JAK2: variants seen among roughly 807,000 people sequenced by gnomAD.
JAK2 encodes Janus kinase 2, also known as tyrosine-protein kinase JAK2.
Under a neutral mutation model 139.3 loss-of-function variants are expected in JAK2, and 86 were observed. That is an observed-to-expected ratio of 0.62 (90% CI 0.52 to 0.74). The LOEUF (loss-of-function observed/expected upper bound fraction) is 0.74. Among genes scored for constraint, JAK2 ranks in the 30% least tolerant of loss-of-function variants. The pLI is 0.00. For synonymous variants in JAK2, 490 were observed against 437.7 expected (o/e 1.12, Z -1.49); for missense variants, 1,421 against 1,360.3 (o/e 1.04, Z -0.70).
At chr9:5,030,364 T>C (rs1057297888) in intron 4 of JAK2, among the ~76,000 whole-genome samples, 8 of 152,176 alleles carry the variant, frequency 5.3e-5, no homozygotes, top group Non-Finnish European at 8.8e-5. Flanking sequence ...ATATAATTTA[T>C]GGTAATGTGT....
At chr9:5,111,767 C>T (rs1193974277) in intron 22 of JAK2, 5 of 421,986 alleles carry the variant, frequency 1.2e-5, no homozygotes, top group Admixed American at 2.8e-5. Context: ...GAACGGTGGG[C>T]TTCCGGCTGC....
intron 22 of JAK2, chr9:5,110,963 G>A: frequency 1.7e-6 from 1 of 604,242 alleles, no homozygotes; most frequent in Non-Finnish European, 3.1e-6. Context: ...AAGGAGCTCA[G>A]TAACCTGGAC....
chr9:5,091,064 A>ATAG (rs1820535636), intron 22 of JAK2, 153 bp downstream of exon 22: 1 of 574,784 alleles, frequency 1.7e-6, no homozygotes, highest in Non-Finnish European at 3.0e-6. Context: ...TTTAGGTCTT[A>ATAG]TAGTCATGGT....
At chr9:5,069,813 G>A in intron 11 of JAK2, 112 bp from the exon 12 acceptor site, 2 of 514,192 alleles carry the variant, frequency 3.9e-6, no homozygotes, top group Non-Finnish European at 6.4e-6. Flanking sequence ...AGAACAATTA[G>A]GAGTTATTAA....
At chr9:5,083,772 TA>T (rs1819879882) in intron 19 of JAK2, among the ~76,000 whole-genome samples, 1 of 105,056 alleles carries the variant, frequency 9.5e-6, no homozygotes, top group Admixed American at 8.7e-5. Flanking sequence ...ATTATAAAGT[TA>T]TCTTTTCAAG....
At chr9:5,103,705 AC>A (rs1821716252) in intron 22 of JAK2, among the ~76,000 whole-genome samples, 1 of 152,216 alleles carries the variant, frequency 6.6e-6, no homozygotes, top group Admixed American at 6.5e-5. Context: ...AACAGATATC[AC>A]AACAAACTGG....
In JAK2 at chr9:5,126,390, A is replaced by G. The variant is rs1450024814; in HGVS notation, c.3235A>G (p.Ile1079Val). The change falls in exon 24 of 25, where the codon ATA becomes GTA. Residue 1079 changes from isoleucine to valine, a missense_variant. Ile to Val is a conservative substitution (Grantham distance 29). Transcript: ENST00000381652. ...AGGACAGATGATCGTGTTCCATTTG[A>G]TAGAACTTTTGAAGAATAATGGAAG... The part of the protein sequence containing the change: ...KQGQMIVFHL[I>V]ELLKNNGRLP... 1.2e-6 allele frequency: 2 copies of G among 1,610,980 alleles called. No individual in the cohort carries two copies. Among genetic ancestry groups the G allele is most frequent in the South Asian group, 1.1e-5 (1 of 90,816 alleles).
chr9:5,111,245 T>C, intron 22 of JAK2: 1 of 542,280 alleles, frequency 1.8e-6, no homozygotes, highest in Non-Finnish European at 3.5e-6. Flanking sequence ...CCTCCTTTGG[T>C]AGAGACGCAG....
chr9:5,002,046 T>C (rs901794381), intron 2 of JAK2, among the ~76,000 whole-genome samples: 1 of 152,030 alleles, frequency 6.6e-6, no homozygotes, highest in African/African-American at 2.4e-5. Context: ...ATGGGGCACA[T>C]ATTGGTAATA....
chr9:4,993,175 G>C (rs1820360974), intron 2 of JAK2, among the ~76,000 whole-genome samples: 1 of 152,156 alleles, frequency 6.6e-6, no homozygotes, highest in African/African-American at 2.4e-5. Context: ...TCTCTTTTGA[G>C]AGGAACTCTT....
intron 2 of JAK2, among the ~76,000 whole-genome samples, chr9:5,008,743 G>A (rs1451585595): frequency 4.6e-5 from 7 of 152,134 alleles, no homozygotes; most frequent in Admixed American, 4.6e-4. Context: ...TCTCCTCTCA[G>A]CAGATCTTTT....
intron 2 of JAK2, among the ~76,000 whole-genome samples, chr9:5,005,407 G>C (rs1184021504): frequency 6.6e-6 from 1 of 151,888 alleles, no homozygotes; most frequent in African/African-American, 2.4e-5. Flanking sequence ...CTGTTTTATA[G>C]GTTGTCCCTT....
At chr9:5,025,190 C>G (rs185350431) in intron 3 of JAK2, among the ~76,000 whole-genome samples, 233 of 152,138 alleles carry the variant, frequency 1.5e-3, no homozygotes, top group Non-Finnish European at 2.7e-3. Flanking sequence ...ACTACCTACT[C>G]CACCATTTTC....
intron 8 of JAK2, among the ~76,000 whole-genome samples, chr9:5,062,072 C>G (rs937285109): frequency 1.3e-5 from 2 of 152,092 alleles, no homozygotes; most frequent in African/African-American, 4.8e-5. Context: ...TGCCCCAAAA[C>G]AATTACAGTT....
At position 5,120,734 on chromosome 9, in the gene JAK2, CTGAT is replaced by C. The variant is rs1345140535; in HGVS notation, c.3060-2267_3060-2264del. ...TAAACTGTAACAATGGGTTAGGAGA[CTGAT>C]TGGAGATATTTCTAAGCTATACTCT... On this transcript the variant is annotated intron_variant, in intron 22 of 24. Transcript: ENST00000381652. Among the ~76,000 whole-genome samples, 7 of 152,172 alleles carry C rather than the reference CTGAT, an allele frequency of 4.6e-5. No individual in the cohort carries two copies. The South Asian group carries it at 1.2e-3, about 27-fold the overall frequency.
rs574371381 is a variant in JAK2 at position 5,000,712 on chromosome 9, G to C, written c.-26+14690G>C. 3.0e-4 allele frequency among the ~76,000 whole-genome samples: 46 copies of C among 152,216 alleles called. No individual in the cohort carries two copies. In the South Asian group the frequency reaches 3.7e-3, roughly 12 times the overall value. On this transcript the variant is annotated intron_variant, in intron 2 of 24. Transcript: ENST00000381652. Reference sequence around the variant, plus strand: ...TTAATACGTCTGTAATTTCTCCGGTGTCTTAAAAATAATTAGTTTGTGGAG... The same window carrying C: ...TTAATACGTCTGTAATTTCTCCGGTCTCTTAAAAATAATTAGTTTGTGGAG...
At chr9:5,023,979 G>A (rs964494426) in intron 3 of JAK2, among the ~76,000 whole-genome samples, 1 of 151,932 alleles carries the variant, frequency 6.6e-6, no homozygotes, top group African/African-American at 2.4e-5. Context: ...AGCTTGGGCC[G>A]GGCACGGTGG....
intron 4 of JAK2, among the ~76,000 whole-genome samples, chr9:5,042,287 G>A (rs1202109403): frequency 4.0e-5 from 6 of 151,654 alleles, no homozygotes; most frequent in Non-Finnish European, 8.8e-5. Context: ...ACAGGCGCCC[G>A]CCACCGCGCC....
chr9:5,096,443 A>T (rs1015074527), intron 22 of JAK2, among the ~76,000 whole-genome samples: 1 of 152,202 alleles, frequency 6.6e-6, no homozygotes, highest in Non-Finnish European at 1.5e-5. Context: ...ACAAAAATTT[A>T]GTTAACAGCT....
Sources: gnomAD v4.1 joint callset for allele counts (sites outside exome capture counted in the v4.1 genomes callset) on GRCh38, gnomAD v4.1.1 for gene constraint, MANE v1.5 for transcripts, NCBI Gene and HGNC (gene_info 2026-07-23, HGNC 2026-07-21) for gene names.